The following ADIPOR2 variants were observed in gnomAD, a reference collection of about 807,000 sequenced individuals.
ADIPOR2 encodes adiponectin receptor 2.
In ADIPOR2, 18 loss-of-function variants were observed where a neutral mutation model predicts 40.9. The ratio of observed to expected loss-of-function variants is 0.44; its 90% confidence interval spans 0.30 to 0.65. ADIPOR2 has a LOEUF of 0.65. Among genes scored for constraint, ADIPOR2 ranks in the 30% least tolerant of loss-of-function variants. The pLI, the probability that ADIPOR2 is intolerant of heterozygous loss-of-function variation, is 0.09. For synonymous variants in ADIPOR2, 165 were observed against 166.4 expected (o/e 0.99, Z 0.06); for missense variants, 283 against 479.2 (o/e 0.59, Z 3.82).
At position 1,700,922 on chromosome 12, in the gene ADIPOR2, T is replaced by C. The variant is rs1275810573; in HGVS notation, c.-87+9731T>C. Among the ~76,000 whole-genome samples, 4 of 152,214 alleles carry C rather than the reference T, an allele frequency of 2.6e-5. 1 individual carries two copies. Among genetic ancestry groups the C allele is most frequent in the Middle Eastern group, 3.4e-3 (1 of 294 alleles). ...TTGGCCAATATATGTTTTTTTTCCTTAAAATATTTCAAACATACATGAGAC... is the reference window on the plus strand; with the variant it reads ...TTGGCCAATATATGTTTTTTTTCCTCAAAATATTTCAAACATACATGAGAC... On this transcript the variant is annotated intron_variant, in intron 1 of 7. Coordinates refer to ENST00000357103, the MANE Select transcript of ADIPOR2 (RefSeq NM_024551.3).
At chr12:1,744,356 G>A (rs1315908548) in intron 1 of ADIPOR2, among the ~76,000 whole-genome samples, 2 of 152,086 alleles carry the variant, frequency 1.3e-5, no homozygotes, top group Non-Finnish European at 1.5e-5. Flanking sequence ...TGCCCGTCTC[G>A]GCCTCCCAAA....
intron 2 of ADIPOR2, among the ~76,000 whole-genome samples, chr12:1,762,262 A>G (rs1168430407): frequency 2.0e-5 from 3 of 152,202 alleles, no homozygotes; most frequent in African/African-American, 4.8e-5. Flanking sequence ...TTTCCATTAC[A>G]ATGCGTATCA....
At chr12:1,776,543 C>T (rs144271010) in intron 3 of ADIPOR2, among the ~76,000 whole-genome samples, 2 of 152,122 alleles carry the variant, frequency 1.3e-5, no homozygotes, top group Non-Finnish European at 2.9e-5. Flanking sequence ...GCAAGTTAGT[C>T]AAGATTAAGT....
chr12:1,752,230 CTTTTTT>C (rs67598229), intron 1 of ADIPOR2, among the ~76,000 whole-genome samples: 44 of 74,868 alleles, frequency 5.9e-4, no homozygotes, highest in East Asian at 2.0e-3. Flanking sequence ...CTCCTGGCCT[CTTTTTT>C]TTTTTTTTTT....
intron 1 of ADIPOR2, among the ~76,000 whole-genome samples, chr12:1,727,413 A>G (rs764454367): frequency 2.0e-5 from 3 of 152,208 alleles, no homozygotes; most frequent in Non-Finnish European, 4.4e-5. Context: ...AGTATGTTTG[A>G]GTATCTTTTT....
intron 1 of ADIPOR2, among the ~76,000 whole-genome samples, chr12:1,736,075 C>T (rs1205559571): frequency 6.6e-6 from 1 of 152,162 alleles, no homozygotes; most frequent in Non-Finnish European, 1.5e-5. Context: ...TTTGTCTCTG[C>T]CAGGCTTTGG....
intron 2 of ADIPOR2, chr12:1,760,936 T>C (rs1356504137): frequency 2.0e-5 from 3 of 152,226 alleles, no homozygotes. Context: ...GGCTACTTAG[T>C]TACTTAGTAG....
At chr12:1,705,299 C>T (rs2094659862) in intron 1 of ADIPOR2, among the ~76,000 whole-genome samples, 1 of 152,068 alleles carries the variant, frequency 6.6e-6, no homozygotes, top group Non-Finnish European at 1.5e-5. Flanking sequence ...AATATATAAT[C>T]CTAGATTTTT....
intron 1 of ADIPOR2, among the ~76,000 whole-genome samples, chr12:1,733,873 T>G (rs2094725294): frequency 6.6e-6 from 1 of 151,962 alleles, no homozygotes; most frequent in Non-Finnish European, 1.5e-5. Flanking sequence ...TTTTTTGTCC[T>G]TGGCGATAGT....
chr12:1,774,342 A>G (rs1040300635), intron 3 of ADIPOR2, among the ~76,000 whole-genome samples: 4 of 152,228 alleles, frequency 2.6e-5, no homozygotes, highest in African/African-American at 4.8e-5. Flanking sequence ...TTTGTTTGCT[A>G]CAAACTATGA....
chr12:1,764,623 CT>C (rs1332370753), intron 2 of ADIPOR2, among the ~76,000 whole-genome samples: 2 of 150,018 alleles, frequency 1.3e-5, no homozygotes, highest in East Asian at 3.9e-4. Context: ...GTCTGATAAA[CT>C]TTTATAAACT....
At chr12:1,770,651 C>T (rs963047471) in intron 2 of ADIPOR2, among the ~76,000 whole-genome samples, 1 of 152,040 alleles carries the variant, frequency 6.6e-6, no homozygotes, top group African/African-American at 2.4e-5. Context: ...TAAGTATGTT[C>T]CAGAAGCCAT....
chr12:1,754,690 TTATTATTATTACTACTACTACTACTAC>T (rs1213856938), intron 2 of ADIPOR2, among the ~76,000 whole-genome samples, 176 bp downstream of exon 2: 4 of 65,046 alleles, frequency 6.1e-5, no homozygotes, highest in Middle Eastern at 6.8e-3. Context: ...CTTATCTTTA[TTATTATTATTACTACTACTACTACTAC>T]TACTACTACT....
chr12:1,700,201 T>C (rs968183108), intron 1 of ADIPOR2, among the ~76,000 whole-genome samples: 3 of 152,212 alleles, frequency 2.0e-5, no homozygotes, highest in African/African-American at 7.2e-5. Context: ...GCAAAATTAG[T>C]TAGCTTATTA....
At chr12:1,763,853 C>T (rs1862320476) in intron 2 of ADIPOR2, among the ~76,000 whole-genome samples, 1 of 152,092 alleles carries the variant, frequency 6.6e-6, no homozygotes, top group South Asian at 2.1e-4. Context: ...GTGGCATGTA[C>T]CTGTAGTCCC....
chr12:1,749,953 C>T (rs548297302), intron 1 of ADIPOR2, among the ~76,000 whole-genome samples: 2 of 150,680 alleles, frequency 1.3e-5, no homozygotes, highest in East Asian at 4.0e-4. Context: ...TCTCTCACCA[C>T]ATTCTCTTCA....
At position 1,787,207 on chromosome 12, in the gene ADIPOR2, C is replaced by T. The variant is rs887829362; in HGVS notation, c.*1135C>T. On this transcript the variant is annotated 3_prime_UTR_variant, in exon 8 of 8. Coordinates refer to ENST00000357103, the MANE Select transcript of ADIPOR2 (RefSeq NM_024551.3). ...CTGACATAGTTCTTGGCATGGGAGCCAGCCACAAATGAGATTCTGACGTGT... is the reference window on the plus strand; with the variant it reads ...CTGACATAGTTCTTGGCATGGGAGCTAGCCACAAATGAGATTCTGACGTGT... The T allele has an allele frequency of 3.3e-5, 5 of 152,228 alleles. No homozygotes were observed. Among genetic ancestry groups the T allele is most frequent in the African/African-American group, 9.6e-5 (4 of 41,452 alleles). 9.4% of individuals were successfully genotyped at this position (152,228 alleles called of 1,614,324 possible). A position where few individuals can be genotyped will look rare whatever the true frequency, so the allele number is the denominator to read the frequency against.
chr12:1,731,482 A>G (rs1275934112), intron 1 of ADIPOR2, among the ~76,000 whole-genome samples: 1 of 152,120 alleles, frequency 6.6e-6, no homozygotes, highest in Non-Finnish European at 1.5e-5. Context: ...CCAATCAGAA[A>G]CTATGCGCAT....
intron 1 of ADIPOR2, among the ~76,000 whole-genome samples, chr12:1,738,983 AAAAT>A (rs2094736988): frequency 6.6e-6 from 1 of 152,224 alleles, no homozygotes; most frequent in African/African-American, 2.4e-5. Context: ...TATATTCAGC[AAAAT>A]TTCTTTTGTG....
Sources: allele counts gnomAD v4.1 joint callset (sites outside exome capture counted in the v4.1 genomes callset), GRCh38; gene constraint gnomAD v4.1.1; transcripts MANE v1.5; gene names NCBI Gene and HGNC (gene_info 2026-07-23, HGNC 2026-07-21).